C7orf57: variants seen among roughly 807,000 people sequenced by gnomAD.
C7orf57 encodes the protein chromosome 7 open reading frame 57, also known as uncharacterized protein C7orf57.
Under a neutral mutation model 39.0 loss-of-function variants are expected in C7orf57, and 33 were observed. The observed-to-expected ratio is 0.85, with a 90% CI of 0.64 to 1.13. The LOEUF (loss-of-function observed/expected upper bound fraction) is 1.13. Among genes scored for constraint, C7orf57 ranks in the 50% most tolerant of loss-of-function variants. The pLI, the probability that C7orf57 is intolerant of heterozygous loss-of-function variation, is 0.00. For synonymous variants in C7orf57, 124 were observed against 137.1 expected (o/e 0.90, Z 0.67); for missense variants, 346 against 362.3 (o/e 0.95, Z 0.37).
chr7:48,038,383 TATAGATAG>T lies in C7orf57; in HGVS notation c.55+2050_55+2057del, dbSNP rs67831054. On this transcript the variant is annotated intron_variant, in intron 2 of 8. Coordinates refer to ENST00000348904, the MANE Select transcript of C7orf57 (RefSeq NM_001100159.3). ...ATCCATGTCTATCTTTCTATATACA[TATAGATAG>T]ATAGATAGATAGATAGATAGATAGA... 1.8e-4 allele frequency among the ~76,000 whole-genome samples: 27 copies of T among 150,242 alleles called. 1 individual carries two copies. Among genetic ancestry groups the T allele is most frequent in the Admixed American group, 2.7e-4 (4 of 15,016 alleles).
chr7:48,037,438 C>T (rs945738101), intron 2 of C7orf57, among the ~76,000 whole-genome samples: 9 of 152,208 alleles, frequency 5.9e-5, no homozygotes, highest in African/African-American at 2.2e-4. Flanking sequence ...AGTGGCTCCA[C>T]AGCTGTTCTG....
intron 2 of C7orf57, among the ~76,000 whole-genome samples, 196 bp downstream of exon 2, chr7:48,036,559 T>C (rs537076192): frequency 7.2e-5 from 11 of 152,292 alleles, no homozygotes; most frequent in Non-Finnish European, 1.0e-4. Context: ...AAGACTTAAA[T>C]ATGAGTGGGG....
At chr7:48,059,133 G>A (rs1321757696) in intron 8 of C7orf57, among the ~76,000 whole-genome samples, 2 of 152,114 alleles carry the variant, frequency 1.3e-5, no homozygotes, top group African/African-American at 4.8e-5. Context: ...TAGTGCTAGA[G>A]CTTTTGACAA....
At chr7:48,052,101 G>A (rs1374928230) in intron 6 of C7orf57, among the ~76,000 whole-genome samples, 1 of 151,704 alleles carries the variant, frequency 6.6e-6, no homozygotes, top group Non-Finnish European at 1.5e-5. Context: ...AGCCTCCTGA[G>A]TAGCTGGGAC....
intron 4 of C7orf57, 67 bp from the exon 5 acceptor site, chr7:48,046,393 A>C: frequency 6.8e-7 from 1 of 1,467,896 alleles, no homozygotes; most frequent in South Asian, 1.3e-5. Context: ...AGCGATGGAG[A>C]TGGAAGGAAG....
rs1018669068 is a variant in C7orf57 at position 48,060,482 on chromosome 7, C to T, written c.*210C>T. 28 of 429,198 alleles carry T rather than the reference C, an allele frequency of 6.5e-5. No homozygotes were observed. In the South Asian group the frequency reaches 1.1e-3, roughly 17 times the overall value. 26.6% of individuals were successfully genotyped at this position (429,198 alleles called of 1,614,324 possible). Reference sequence around the variant, plus strand: ...TTTCTCTGGGATGTGAAACACTTGGCTAACAAACACAACTAAGGCCTCTGG... The same window carrying T: ...TTTCTCTGGGATGTGAAACACTTGGTTAACAAACACAACTAAGGCCTCTGG... On this transcript the variant is annotated 3_prime_UTR_variant, in exon 9 of 9. Transcript: ENST00000348904.
At chr7:48,051,839 CTT>C (rs1330048004) in intron 6 of C7orf57, among the ~76,000 whole-genome samples, 1 of 59,200 alleles carries the variant, frequency 1.7e-5, no homozygotes, top group African/African-American at 9.5e-5. Context: ...TTCTTTCTTT[CTT>C]TCTTTCTTTC....
At chr7:48,045,460 T>A (rs1036817059) in intron 4 of C7orf57, among the ~76,000 whole-genome samples, 2 of 152,032 alleles carry the variant, frequency 1.3e-5, no homozygotes, top group African/African-American at 4.8e-5. Context: ...CTTCCAAGCC[T>A]GCATTTCCAG....
intron 8 of C7orf57, among the ~76,000 whole-genome samples, chr7:48,054,883 A>ATTT (rs1301867886): frequency 3.0e-4 from 46 of 150,838 alleles, no homozygotes; most frequent in African/African-American, 1.0e-3. Flanking sequence ...TATTATTATT[A>ATTT]TTATTTTTTT....
intron 3 of C7orf57, 125 bp downstream of exon 3, chr7:48,041,644 A>G (rs1158665039): frequency 2.9e-5 from 22 of 760,850 alleles, no homozygotes; most frequent in Non-Finnish European, 3.8e-5. Flanking sequence ...GGGCCTTGGG[A>G]AAGCTAGGTT....
chr7:48,053,808 A>G (rs10499672), intron 7 of C7orf57, among the ~76,000 whole-genome samples: 20,710 of 152,174 alleles, frequency 0.14, 2,151 homozygotes, highest in African/African-American at 0.29. Context: ...CAACACATCC[A>G]TCTTAAAGCC....
At position 48,041,414 on chromosome 7, in the gene C7orf57, A is replaced by C. The variant is rs528667180; in HGVS notation, c.136A>C (p.Asn46His). The change falls in exon 3 of 9, where the codon AAT becomes CAT. Residue 46 changes from asparagine (N) to histidine (H), a missense_variant. Asn to His is a moderately conservative substitution (Grantham distance 68, BLOSUM62 1). Transcript: ENST00000348904. Reference sequence around the variant, plus strand: ...AGCGTCCCAGATCCCAGGTCTCAGCAATTTGGGAGACTCACACAGCGAGAA... The same window carrying C: ...AGCGTCCCAGATCCCAGGTCTCAGCCATTTGGGAGACTCACACAGCGAGAA... ...PPASQIPGLS[N>H]LGDSHSENLP... The C allele has an allele frequency of 6.2e-7, 1 of 1,613,978 alleles. No individual in the cohort carries two copies. The highest frequency in any genetic ancestry group is 1.7e-5 in the Admixed American group (1 of 60,026).
chr7:48,043,502 CT>C lies in C7orf57; in HGVS notation c.264del (p.Gly89GlufsTer64). On this transcript the variant is annotated frameshift_variant, in exon 4 of 9. Transcript: ENST00000348904. LOFTEE classifies it high-confidence loss of function. ...GRPDLLKHFAPGTRKGSPVAY... is the reference protein window; with the variant it reads ...GRPDLLKHFAXGTRKGSPVAY... The stretch of plus-strand genomic sequence containing the variant: ...TGAGATTTGTTGAAGCACTTTGCCC[CT>C]GGAACCAGGAAAGGCTCTCCAGTGG... 1.2e-6 allele frequency: 2 copies of C among 1,613,816 alleles called. No homozygotes were observed. Among genetic ancestry groups the C allele is most frequent in the Non-Finnish European group, 1.7e-6 (2 of 1,179,834 alleles).
intron 2 of C7orf57, among the ~76,000 whole-genome samples, chr7:48,036,566 G>C (rs550569614): frequency 1.0e-3 from 155 of 152,274 alleles, no homozygotes; most frequent in African/African-American, 3.5e-3. Flanking sequence ...AAATATGAGT[G>C]GGGGGAGTCT....
chr7:48,058,363 A>C (rs1035627756), intron 8 of C7orf57, among the ~76,000 whole-genome samples: 1 of 151,670 alleles, frequency 6.6e-6, no homozygotes, highest in African/African-American at 2.4e-5. Context: ...TTTTTTTTTA[A>C]CTGATTCAAT....
chr7:48,058,931 G>T (rs1434629511), intron 8 of C7orf57, among the ~76,000 whole-genome samples: 1 of 152,186 alleles, frequency 6.6e-6, no homozygotes, highest in Non-Finnish European at 1.5e-5. Flanking sequence ...TTATCAGCAA[G>T]ATCTGTTCAA....
At chr7:48,043,792 T>C (rs1399093876) in intron 4 of C7orf57, among the ~76,000 whole-genome samples, 1 of 152,156 alleles carries the variant, frequency 6.6e-6, no homozygotes, top group Non-Finnish European at 1.5e-5. Flanking sequence ...TGTGGCATTT[T>C]GTGCCACCCT....
At chr7:48,050,141 G>A (rs151087269) in intron 6 of C7orf57, among the ~76,000 whole-genome samples, 164 bp downstream of exon 6, 25 of 152,334 alleles carry the variant, frequency 1.6e-4, no homozygotes, top group Non-Finnish European at 2.8e-4. Context: ...TGTGGTTTCT[G>A]TTCCTTCCTA....
rs1791001851 is a variant in C7orf57 at position 48,052,896 on chromosome 7, G to C, written c.802G>C (p.Ala268Pro). ...QDAARLQDAE[A>P]SEGPEDTPES... is the part of the protein sequence containing the mutation. ...TGCAGCCAGGCTCCAGGATGCAGAG[G>C]CTTCTGAAGGTCCTGAGGACACCCC... The change falls in exon 7 of 9, where the codon GCT becomes CCT. Residue 268 changes from alanine (A) to proline (P), a missense_variant. By Grantham distance (27) the Ala-to-Pro change is conservative. Coordinates refer to ENST00000348904, the MANE Select transcript of C7orf57 (RefSeq NM_001100159.3). The C allele has an allele frequency of 6.2e-7, 1 of 1,613,822 alleles. No homozygotes were observed. Among genetic ancestry groups the C allele is most frequent in the African/African-American group, 1.3e-5 (1 of 75,044 alleles).
Sources: gnomAD v4.1 joint callset for allele counts (sites outside exome capture counted in the v4.1 genomes callset) on GRCh38, gnomAD v4.1.1 for gene constraint, MANE v1.5 for transcripts, NCBI Gene and HGNC (gene_info 2026-07-23, HGNC 2026-07-21) for gene names.